Variants in EPHA6 observed in about 807,000 individuals in gnomAD.
The protein encoded by EPHA6 is EPH receptor A6.
In EPHA6, 50 loss-of-function variants were observed where a neutral mutation model predicts 112.0. The ratio of observed to expected loss-of-function variants is 0.45; its 90% CI spans 0.36 to 0.56. The LOEUF (loss-of-function observed/expected upper bound fraction) is 0.56, where lower values mean the gene tolerates loss of function less well. Among genes scored for constraint, EPHA6 ranks in the 20% least tolerant of loss-of-function variants. The pLI is 0.00. For synonymous variants in EPHA6, 529 were observed against 490.7 expected (o/e 1.08, Z -1.03); for missense variants, 1,280 against 1,417.4 (o/e 0.90, Z 1.56).
intron 11 of EPHA6, among the ~76,000 whole-genome samples, chr3:97,563,923 CAA>C (rs1214065310): frequency 6.6e-6 from 1 of 151,982 alleles, no homozygotes; most frequent in Non-Finnish European, 1.5e-5. Flanking sequence ...AAGAATGAAA[CAA>C]AATCAACTTA....
intron 5 of EPHA6, among the ~76,000 whole-genome samples, chr3:97,321,708 A>G (rs935764119): frequency 1.3e-5 from 2 of 151,934 alleles, no homozygotes; most frequent in Non-Finnish European, 2.9e-5. Context: ...AGGGACTTCT[A>G]TTGAATTGTG....
chr3:97,733,018 G>A (rs1297111979), intron 15 of EPHA6, among the ~76,000 whole-genome samples: 1 of 151,920 alleles, frequency 6.6e-6, no homozygotes, highest in African/African-American at 2.4e-5. Context: ...AGAGAGGCCG[G>A]GACCACATGC....
chr3:97,030,994 G>A (rs2044812622), intron 3 of EPHA6, among the ~76,000 whole-genome samples: 1 of 151,974 alleles, frequency 6.6e-6, no homozygotes, highest in African/African-American at 2.4e-5. Context: ...TAATTATGAG[G>A]TCATCCTTAT....
intron 3 of EPHA6, among the ~76,000 whole-genome samples, chr3:97,074,812 C>G (rs2046465898): frequency 6.6e-6 from 1 of 151,930 alleles, no homozygotes; most frequent in Admixed American, 6.6e-5. Context: ...GCATTGTTCT[C>G]TGAACTCTGG....
intron 1 of EPHA6, among the ~76,000 whole-genome samples, chr3:96,861,603 TG>T (rs2036011435): frequency 6.6e-6 from 1 of 152,026 alleles, no homozygotes. Context: ...AACATCACTA[TG>T]TTCATATTAC....
intron 13 of EPHA6, among the ~76,000 whole-genome samples, chr3:97,615,519 G>A (rs2093758345): frequency 6.6e-6 from 1 of 152,114 alleles, no homozygotes; most frequent in Non-Finnish European, 1.5e-5. Flanking sequence ...AAGACCTACT[G>A]GCTTGAAATT....
At chr3:96,905,655 T>G (rs2038893183) in intron 2 of EPHA6, among the ~76,000 whole-genome samples, 1 of 152,136 alleles carries the variant, frequency 6.6e-6, no homozygotes, top group African/African-American at 2.4e-5. Flanking sequence ...GTGGAAAAGC[T>G]TGTAACTTTA....
At chr3:97,304,636 C>A (rs935372954) in intron 5 of EPHA6, among the ~76,000 whole-genome samples, 4 of 151,978 alleles carry the variant, frequency 2.6e-5, no homozygotes, top group Non-Finnish European at 4.4e-5. Flanking sequence ...CAAAAACAAG[C>A]AATGGGAAAA....
chr3:97,630,317 G>A (rs1333149989), intron 13 of EPHA6, among the ~76,000 whole-genome samples: 1 of 151,574 alleles, frequency 6.6e-6, no homozygotes, highest in Non-Finnish European at 1.5e-5. Context: ...TTTTCAACTG[G>A]GAAGACCACA....
At position 97,755,041 on chromosome 3, in the gene EPHA6, G is replaced by A. The variant is rs372848868; in HGVS notation, c.*6340G>A. Among the ~76,000 whole-genome samples the A allele has an allele frequency of 6.6e-6, 1 of 152,202 alleles. No individual in the cohort carries two copies. ...TTAAACAAAACATGGAAAAGTTCTT[G>A]CTTGAACTTTCACACTGATTAATCA... On this transcript the variant is annotated 3_prime_UTR_variant, in exon 18 of 18. Coordinates refer to ENST00000389672, the MANE Select transcript of EPHA6 (RefSeq NM_001080448.3).
chr3:97,277,125 C>A (rs1210826085), intron 5 of EPHA6, among the ~76,000 whole-genome samples: 1 of 151,882 alleles, frequency 6.6e-6, no homozygotes, highest in African/African-American at 2.4e-5. Context: ...AGGGGACAGG[C>A]GAGACGGAAA....
chr3:97,424,882 G>T (rs1338407990), intron 6 of EPHA6, among the ~76,000 whole-genome samples: 1 of 151,074 alleles, frequency 6.6e-6, no homozygotes, highest in Non-Finnish European at 1.5e-5. Context: ...AAATACACCT[G>T]TTCCACATGG....
At chr3:97,022,064 A>T (rs1386188936) in intron 3 of EPHA6, among the ~76,000 whole-genome samples, 1 of 152,194 alleles carries the variant, frequency 6.6e-6, no homozygotes, top group Non-Finnish European at 1.5e-5. Flanking sequence ...AAGCATTGAG[A>T]AAACATTTGT....
intron 12 of EPHA6, among the ~76,000 whole-genome samples, chr3:97,609,687 C>T (rs2093703789): frequency 6.6e-6 from 1 of 151,354 alleles, no homozygotes; most frequent in Non-Finnish European, 1.5e-5. Context: ...TAATAGTCAC[C>T]ATCACCCTTT....
At chr3:97,130,115 A>C (rs1156717840) in intron 3 of EPHA6, among the ~76,000 whole-genome samples, 1 of 152,064 alleles carries the variant, frequency 6.6e-6, no homozygotes, top group Non-Finnish European at 1.5e-5. Context: ...TTGTTGATAA[A>C]ATTATTTCTC....
intron 13 of EPHA6, among the ~76,000 whole-genome samples, chr3:97,637,357 C>T (rs1474938299): frequency 1.3e-5 from 2 of 152,170 alleles, no homozygotes; most frequent in African/African-American, 4.8e-5. Context: ...CTTTCCTATA[C>T]TTGTTTCTTG....
intron 13 of EPHA6, among the ~76,000 whole-genome samples, chr3:97,635,345 A>G (rs1225253727): frequency 6.6e-6 from 1 of 152,140 alleles, no homozygotes; most frequent in East Asian, 1.9e-4. Flanking sequence ...AAATCTTCAA[A>G]TGTTGGTGAC....
intron 11 of EPHA6, among the ~76,000 whole-genome samples, chr3:97,576,429 G>A (rs554254620): frequency 1.6e-4 from 24 of 152,206 alleles, no homozygotes; most frequent in African/African-American, 5.5e-4. Flanking sequence ...CATCAACTGC[G>A]CTGGCAGACA....
chr3:97,142,994 G>T (rs1476192743), intron 3 of EPHA6, among the ~76,000 whole-genome samples: 1 of 151,816 alleles, frequency 6.6e-6, no homozygotes, highest in Non-Finnish European at 1.5e-5. Flanking sequence ...AGTTAGGCAA[G>T]AGAAAGTAAG....
Sources: gnomAD v4.1 joint callset for allele counts (sites outside exome capture counted in the v4.1 genomes callset) on GRCh38, gnomAD v4.1.1 for gene constraint, MANE v1.5 for transcripts, NCBI Gene and HGNC (gene_info 2026-07-23, HGNC 2026-07-21) for gene names.